Variants in SI observed in about 807,000 individuals in gnomAD.
SI encodes sucrase-isomaltase.
A neutral mutation model predicts 253.3 loss-of-function variants in SI; 235 were observed. The observed-to-expected ratio is 0.93, with a 90% CI of 0.83 to 1.03. SI has a LOEUF of 1.03. Ranked by LOEUF, SI falls within the 50% of genes least tolerant of loss-of-function variation. The probability of loss-of-function intolerance (pLI) is 0.00; values close to 1 mark genes in which losing one functional copy is unlikely to be tolerated. For missense variants in SI, 2,442 were observed against 2,211.1 expected, an observed-to-expected ratio of 1.10 and a Z score of -2.09; for synonymous variants, 819 against 712.0, an observed-to-expected ratio of 1.15 and a Z score of -2.39.
At chr3:165,086,913 C>T in the SI span, among the ~76,000 whole-genome samples, 19 of 152,130 alleles carry the variant, frequency 1.2e-4, no homozygotes, top group East Asian at 3.9e-4. Flanking sequence ...AGTTCTCATG[C>T]GTAGAACTGC....
chr3:165,055,329 A>C (rs766668446), intron 12 of SI, 22 bp from the exon 13 acceptor site: 1 of 1,180,434 alleles, frequency 8.5e-7, no homozygotes, highest in Non-Finnish European at 1.3e-6. Context: ...GATCATTCAC[A>C]TATATACATA....
At chr3:165,053,163 T>C (rs2108238829) in intron 13 of SI, among the ~76,000 whole-genome samples, 1 of 151,902 alleles carries the variant, frequency 6.6e-6, no homozygotes, top group South Asian at 2.1e-4. Flanking sequence ...TATTCGATTA[T>C]CCCATAAATG....
intron 47 of SI, among the ~76,000 whole-genome samples, chr3:164,981,399 G>A (rs1029721381): frequency 2.0e-5 from 3 of 152,016 alleles, no homozygotes; most frequent in Non-Finnish European, 4.4e-5. Context: ...ACCTAGGACT[G>A]TGTCCAAATG....
upstream of SI, among the ~76,000 whole-genome samples, chr3:165,079,235 C>T (rs1715193927): frequency 6.6e-6 from 1 of 151,402 alleles, no homozygotes; most frequent in South Asian, 2.1e-4. Flanking sequence ...ACTATGCTTA[C>T]CTGAGAAATT....
At chr3:165,052,818 T>A (rs2108238260) in intron 13 of SI, among the ~76,000 whole-genome samples, 1 of 152,198 alleles carries the variant, frequency 6.6e-6, no homozygotes, top group East Asian at 1.9e-4. Context: ...TGTAAAAGAA[T>A]TTCATTTTTA....
intron 33 of SI, among the ~76,000 whole-genome samples, chr3:165,013,536 AC>A (rs1718871062): frequency 6.6e-6 from 1 of 151,986 alleles, no homozygotes; most frequent in South Asian, 2.1e-4. Context: ...TCATCCCACC[AC>A]TATTCCCAGC....
At chr3:165,040,270 G>A (rs1354470774) in intron 18 of SI, among the ~76,000 whole-genome samples, 1 of 151,382 alleles carries the variant, frequency 6.6e-6, no homozygotes, top group African/African-American at 2.4e-5. Context: ...GGAACAGAGG[G>A]AAGGAAAGTA....
chr3:165,052,512 T>A (rs1029908484), intron 13 of SI, among the ~76,000 whole-genome samples: 1 of 152,054 alleles, frequency 6.6e-6, no homozygotes, highest in Non-Finnish European at 1.5e-5. Flanking sequence ...AAAAATTAGC[T>A]GGGCGTGGTG....
rs761717351 is a variant in SI, at chr3:165,006,894, A to G, written c.4328T>C (p.Ile1443Thr). 9.9e-6 allele frequency: 16 copies of G among 1,612,266 alleles called. No individual in the cohort carries two copies. Among genetic ancestry groups the G allele is most frequent in the Non-Finnish European group, 1.4e-5 (16 of 1,178,556 alleles). ...CAAAACTGATGTTCCATCACTAAGA[A>G]TCTGCTCAGCTTCCATGCAAATTGT... is the stretch of plus-strand genomic sequence containing the variant. Reference protein sequence around the residue: ...FRTICMEAEQILSDGTSVLHY... With the variant: ...FRTICMEAEQTLSDGTSVLHY... Residue 1443 changes from isoleucine (I) to threonine (T), a missense_variant, in exon 37 of 48, where the codon ATT becomes ACT. Physicochemically the swap from Ile to Thr is moderately conservative, Grantham distance 89. Transcript: ENST00000264382.
intron 16 of SI, among the ~76,000 whole-genome samples, chr3:165,043,654 A>G (rs1224657843): frequency 1.3e-5 from 2 of 152,052 alleles, no homozygotes; most frequent in Non-Finnish European, 2.9e-5. Context: ...ATGTGTACCC[A>G]TGTAAGACTG....
At chr3:164,982,644 A>G (rs1467335553) in intron 46 of SI, among the ~76,000 whole-genome samples, 1 of 152,014 alleles carries the variant, frequency 6.6e-6, no homozygotes, top group East Asian at 1.9e-4. Context: ...CAGGCTCAGA[A>G]AGTTTGGATT....
At chr3:165,000,602 A>G (rs1019703627) in intron 37 of SI, among the ~76,000 whole-genome samples, 2 of 151,460 alleles carry the variant, frequency 1.3e-5, no homozygotes, top group African/African-American at 4.8e-5. Flanking sequence ...TAAATGAGGT[A>G]TTTTCATAAT....
chr3:164,994,779 A>G (rs542726438), intron 40 of SI, among the ~76,000 whole-genome samples: 10 of 151,822 alleles, frequency 6.6e-5, no homozygotes, highest in African/African-American at 2.2e-4. Flanking sequence ...AAATAAACAT[A>G]GACAAGCAGA....
At chr3:164,999,013 A>G (rs144692357) in intron 37 of SI, among the ~76,000 whole-genome samples, 120 of 151,962 alleles carry the variant, frequency 7.9e-4, no homozygotes, top group African/African-American at 2.8e-3. Context: ...TGTATTTTTA[A>G]TAAAGGCTTA....
At chr3:165,038,047 C>A in intron 20 of SI, 23 bp from the exon 21 acceptor site, 3 of 1,570,436 alleles carry the variant, frequency 1.9e-6, no homozygotes, top group Non-Finnish European at 2.6e-6. Context: ...AGATTAAAAA[C>A]ATTCTTAATA....
chr3:165,059,729 C>G (rs758285153), intron 10 of SI, among the ~76,000 whole-genome samples, 173 bp downstream of exon 10: 9 of 151,888 alleles, frequency 5.9e-5, no homozygotes, highest in African/African-American at 9.7e-5. Context: ...TTTGTACTTT[C>G]AGGAGGCAAG....
intron 12 of SI, among the ~76,000 whole-genome samples, chr3:165,056,380 C>G (rs1560011067): frequency 1.2e-5 from 1 of 86,186 alleles, no homozygotes; most frequent in Non-Finnish European, 3.1e-5. Flanking sequence ...AGTGACCATC[C>G]CCCCCTGCAG....
rs71156876 is a variant in SI, at chr3:165,048,580, T to TAGAGAG, written c.1715+546_1715+547insCTCTCT. On this transcript the variant is annotated intron_variant, in intron 15 of 47. Coordinates refer to ENST00000264382, the MANE Select transcript of SI (RefSeq NM_001041.4). The stretch of plus-strand genomic sequence containing the variant: ...ACATATATATATGTATATATATATA[T>TAGAGAG]ATATAGAGAGAGAGAGAGAGAGAGA... Among the ~76,000 whole-genome samples the TAGAGAG allele has an allele frequency of 3.2e-3, 352 of 109,836 alleles. 4 individuals are homozygous for TAGAGAG. The highest frequency in any genetic ancestry group is 0.01 in the Middle Eastern group (2 of 194). 72.1% of individuals were successfully genotyped at this position (109,836 alleles called of 152,430 possible).
chr3:165,041,031 T>C lies in SI; in HGVS notation c.2068A>G (p.Thr690Ala), dbSNP rs915042043. The C allele has an allele frequency of 6.2e-7, 1 of 1,612,746 alleles. No individual in the cohort carries two copies. Among genetic ancestry groups the C allele is most frequent in the Non-Finnish European group, 8.5e-7 (1 of 1,179,170 alleles). The change falls in exon 18 of 48, where the codon ACT (threonine) becomes GCT (alanine). Residue 690 changes from threonine (T) to alanine (A), a missense_variant. Physicochemically the swap from Thr to Ala is moderately conservative, Grantham distance 58. Coordinates refer to ENST00000264382, the MANE Select transcript of SI (RefSeq NM_001041.4). ...LLVKSSRQYL[T>A]IRYTLLPFLY... ...AAGGGTAATAAGGTGTAGCGAATAG[T>C]TAAATACTGCCTTGATGATTTAACC...
Sources: gnomAD v4.1 joint callset for allele counts (sites outside exome capture counted in the v4.1 genomes callset) on GRCh38, gnomAD v4.1.1 for gene constraint, MANE v1.5 for transcripts, NCBI Gene and HGNC (gene_info 2026-07-23, HGNC 2026-07-21) for gene names.